Variants in CDH11 observed in about 807,000 individuals in gnomAD.
CDH11 encodes the protein cadherin-11.
Under a neutral mutation model 67.8 loss-of-function variants are expected in CDH11, and 11 were observed. The observed-to-expected ratio is 0.16, with a 90% CI of 0.10 to 0.27. CDH11 has a LOEUF of 0.27. CDH11 is among the 10% of genes least tolerant of loss of function. CDH11 has a pLI of 1.00. For missense variants in CDH11, 847 were observed against 1,031.2 expected (o/e 0.82, Z 2.45); for synonymous variants, 419 against 400.0 (o/e 1.05, Z -0.57).
chr16:64,969,709 T>C (rs762608775), intron 11 of CDH11, among the ~76,000 whole-genome samples: 6 of 151,672 alleles, frequency 4.0e-5, no homozygotes, highest in Non-Finnish European at 5.9e-5. Context: ...TAAATTCAAA[T>C]ACAGATGTAT....
At chr16:64,973,495 A>C (rs1026315798) in intron 8 of CDH11, among the ~76,000 whole-genome samples, 15 of 152,164 alleles carry the variant, frequency 9.9e-5, no homozygotes, top group African/African-American at 3.1e-4. Context: ...AGACCTAAAA[A>C]TCAGTTTGTC....
intron 2 of CDH11, among the ~76,000 whole-genome samples, chr16:65,023,317 CCA>C (rs2073463951): frequency 6.6e-6 from 1 of 152,090 alleles, no homozygotes; most frequent in African/African-American, 2.4e-5. Context: ...GGAGACTCAC[CCA>C]CCCACCATTC....
At chr16:65,100,674 G>C (rs1485142702) in intron 1 of CDH11, among the ~76,000 whole-genome samples, 2 of 150,100 alleles carry the variant, frequency 1.3e-5, no homozygotes, top group African/African-American at 4.9e-5. Context: ...GGAGGTGGAG[G>C]TTACAGTGAG....
chr16:65,034,746 C>T (rs986411879), intron 2 of CDH11, among the ~76,000 whole-genome samples: 2 of 152,190 alleles, frequency 1.3e-5, no homozygotes, highest in African/African-American at 4.8e-5. Flanking sequence ...AACACTTTTA[C>T]ATTCCTCTGG....
At chr16:65,070,913 G>A (rs1597157306) in intron 1 of CDH11, among the ~76,000 whole-genome samples, 1 of 152,112 alleles carries the variant, frequency 6.6e-6, no homozygotes, top group Admixed American at 6.5e-5. Flanking sequence ...TCTGGGAGAC[G>A]CTGAAAAAAA....
At chr16:65,094,718 A>C (rs965574315) in intron 1 of CDH11, 14 of 152,154 alleles carry the variant, frequency 9.2e-5, no homozygotes, top group African/African-American at 2.9e-4. Flanking sequence ...AGAGGACTAT[A>C]AAAGAATAGG....
chr16:65,121,850 C>A lies in CDH11; in HGVS notation c.-298+30G>T, dbSNP rs1316914313. 2.8e-6 allele frequency: 2 copies of A among 701,822 alleles called. No individual in the cohort carries two copies. Among genetic ancestry groups the A allele is most frequent in the East Asian group, 2.7e-5 (1 of 37,218 alleles). The allele number at this position is 701,822 out of a possible 1,614,324, so 43.5% of individuals were successfully genotyped here. ...CCCATTCCAAGAAGCCCCAACCAGG[C>A]GAGAGGAAGGGACTGGCGGCGCACC... On this transcript the variant is annotated intron_variant, in intron 1 of 12. Coordinates refer to ENST00000268603, the MANE Select transcript of CDH11 (RefSeq NM_001797.4). This position sits in a 1 kb window ranked among gnomAD's most constrained non-coding sequence, Gnocchi z 4.1.
At chr16:65,088,911 G>A (rs1339714791) in intron 1 of CDH11, among the ~76,000 whole-genome samples, 1 of 152,124 alleles carries the variant, frequency 6.6e-6, no homozygotes. Context: ...ACCCAGGTCA[G>A]AATGAATAGT....
At chr16:65,088,121 AC>A (rs2142822083) in intron 1 of CDH11, among the ~76,000 whole-genome samples, 1 of 152,298 alleles carries the variant, frequency 6.6e-6, no homozygotes, top group African/African-American at 2.4e-5. Flanking sequence ...CAGCGTCCTT[AC>A]AAACGAAGCT....
chr16:65,026,836 A>G (rs1045003798), intron 2 of CDH11, among the ~76,000 whole-genome samples: 7 of 152,198 alleles, frequency 4.6e-5, no homozygotes, highest in African/African-American at 1.7e-4. Flanking sequence ...TTTGTTCTAC[A>G]TCCTTCCTTG....
chr16:65,021,251 AG>A (rs1258662852), intron 2 of CDH11, among the ~76,000 whole-genome samples: 1 of 152,226 alleles, frequency 6.6e-6, no homozygotes, highest in African/African-American at 2.4e-5. Context: ...AAAAAACACC[AG>A]GTAACTGAAT....
chr16:65,042,779 G>C (rs2073887805), intron 2 of CDH11, among the ~76,000 whole-genome samples: 1 of 152,142 alleles, frequency 6.6e-6, no homozygotes, highest in Non-Finnish European at 1.5e-5. Context: ...GATCCTGACA[G>C]TGATTTCCAC....
At chr16:65,042,522 A>G (rs746154576) in intron 2 of CDH11, among the ~76,000 whole-genome samples, 17 of 152,170 alleles carry the variant, frequency 1.1e-4, no homozygotes, top group Non-Finnish European at 2.2e-4. Flanking sequence ...CAATTGTCAA[A>G]TGCAGCTGAG....
At chr16:65,072,347 G>C (rs1422607838) in intron 1 of CDH11, 1 of 152,412 alleles carries the variant, frequency 6.6e-6, no homozygotes, top group Non-Finnish European at 1.5e-5. Flanking sequence ...CAAGTGCAGT[G>C]GTTGCTACAA....
rs111804297 is a variant in CDH11 at position 64,984,166 on chromosome 16, A to G, written c.1000-1865T>C. The stretch of plus-strand genomic sequence containing the variant: ...TTGTGAAGTCCTCCTCAACAGCCCC[A>G]GATAGATTTGTGTGGCCCCCTAGTG... On this transcript the variant is annotated intron_variant, in intron 7 of 12. Coordinates refer to ENST00000268603, the MANE Select transcript of CDH11 (RefSeq NM_001797.4). Among the ~76,000 whole-genome samples, 45 of 152,270 alleles carry G rather than the reference A, an allele frequency of 3.0e-4. No individual in the cohort carries two copies. The Middle Eastern group carries it at 0.017, about 58-fold the overall frequency.
chr16:64,943,980 C>G lies in CDH11; in HGVS notation c.*3623G>C, dbSNP rs16956488. The G allele has an allele frequency of 0.21, 47,489 of 231,490 alleles. 5,778 individuals are homozygous for G. Among genetic ancestry groups the G allele is most frequent in the East Asian group, 0.42 (6,905 of 16,386 alleles). 14.3% of individuals were successfully genotyped at this position (231,490 alleles called of 1,614,324 possible). A position where few individuals can be genotyped will look rare whatever the true frequency, so the allele number is the denominator to read the frequency against. On this transcript the variant is annotated 3_prime_UTR_variant, in exon 13 of 13. Coordinates refer to ENST00000268603, the MANE Select transcript of CDH11 (RefSeq NM_001797.4). ...CAAAATAACAAGGGTGACCTGCTTT[C>G]CATGGAAAAGGAACGTGTTTTTTTT... is the stretch of plus-strand genomic sequence containing the variant.
At chr16:65,049,243 A>G (rs555433327) in intron 2 of CDH11, among the ~76,000 whole-genome samples, 46 of 152,304 alleles carry the variant, frequency 3.0e-4, no homozygotes, top group Non-Finnish European at 6.2e-4. Flanking sequence ...CCATACCAAA[A>G]TAACTGTAAT....
At chr16:65,004,222 G>C (rs2072993272) in intron 3 of CDH11, among the ~76,000 whole-genome samples, 1 of 151,984 alleles carries the variant, frequency 6.6e-6, no homozygotes, top group South Asian at 2.1e-4. Flanking sequence ...ATAAAATACA[G>C]ATTAGCCAGG....
chr16:65,098,336 A>T (rs2074934360), intron 1 of CDH11, among the ~76,000 whole-genome samples: 1 of 152,200 alleles, frequency 6.6e-6, no homozygotes, highest in African/African-American at 2.4e-5. Flanking sequence ...AGATAAACCT[A>T]GTAGTCTAGT....
Sources: allele counts gnomAD v4.1 joint callset (sites outside exome capture counted in the v4.1 genomes callset), GRCh38; gene constraint gnomAD v4.1.1; non-coding constraint Gnocchi (gnomAD v3.1); transcripts MANE v1.5; gene names NCBI Gene and HGNC (gene_info 2026-07-23, HGNC 2026-07-21).